MALRD1: variants seen among roughly 807,000 people sequenced by gnomAD.
The protein encoded by MALRD1 is MAM and LDL receptor class A domain containing 1.
A neutral mutation model predicts 242.1 loss-of-function variants in MALRD1; 247 were observed. The ratio of observed to expected loss-of-function variants is 1.02; its 90% confidence interval spans 0.92 to 1.13. The LOEUF (loss-of-function observed/expected upper bound fraction) is 1.13, where lower values mean the gene tolerates loss of function less well. Among genes scored for constraint, MALRD1 ranks in the 50% most tolerant of loss-of-function variants. MALRD1 has a pLI of 0.00. For missense variants in MALRD1, 2,989 were observed against 2,533.1 expected (o/e 1.18, Z -3.86); for synonymous variants, 995 against 866.6 (o/e 1.15, Z -2.60).
chr10:19,723,456 A>G (rs1282278948), intron 38 of MALRD1, among the ~76,000 whole-genome samples: 3 of 152,146 alleles, frequency 2.0e-5, no homozygotes, highest in African/African-American at 4.8e-5. Context: ...AGCTCAGGTC[A>G]GGCAAAGTGG....
chr10:19,351,956 A>T (rs1225139155), intron 25 of MALRD1, 50 bp from the exon 26 acceptor site: 1 of 1,387,734 alleles, frequency 7.2e-7, no homozygotes, highest in African/African-American at 1.5e-5. Flanking sequence ...ATAATATCAT[A>T]TTAATTATAC....
Position 19,550,034 on chromosome 10 carries a change from T to C in MALRD1, c.5479-17468T>C, listed in dbSNP as rs1274455256. On this transcript the variant is annotated intron_variant, in intron 32 of 39. Transcript: ENST00000454679. ...AGTTTGAAAAAGTATTTCATATATATAAACCCATTTAATTTGCTTTGAGGT... is the reference window on the plus strand; with the variant it reads ...AGTTTGAAAAAGTATTTCATATATACAAACCCATTTAATTTGCTTTGAGGT... 3.3e-5 allele frequency among the ~76,000 whole-genome samples: 5 copies of C among 152,306 alleles called. No homozygotes were observed. In the East Asian group the frequency reaches 9.6e-4, roughly 29 times the overall value.
At chr10:19,667,737 C>G (rs1238841488) in intron 36 of MALRD1, among the ~76,000 whole-genome samples, 8 of 152,128 alleles carry the variant, frequency 5.3e-5, no homozygotes, top group African/African-American at 1.7e-4. Flanking sequence ...CAGCACCATG[C>G]TTTCTGTACA....
chr10:19,344,243 C>G (rs144283847), intron 24 of MALRD1, among the ~76,000 whole-genome samples: 5 of 152,152 alleles, frequency 3.3e-5, no homozygotes, highest in African/African-American at 4.8e-5. Context: ...AGTCCTAGGT[C>G]CCTGATTTTC....
At chr10:19,149,642 T>G (rs1048521882) in intron 11 of MALRD1, among the ~76,000 whole-genome samples, 1 of 152,202 alleles carries the variant, frequency 6.6e-6, no homozygotes, top group African/African-American at 2.4e-5. Flanking sequence ...CTTATGGCAG[T>G]TGCTCCAAGT....
rs148958091 is a variant in MALRD1, at chr10:19,575,080, C to A, written c.5680+7377C>A. 2.6e-3 allele frequency among the ~76,000 whole-genome samples: 390 copies of A among 152,254 alleles called. 1 individual carries two copies. Among genetic ancestry groups the A allele is most frequent in the African/African-American group, 9.2e-3 (381 of 41,544 alleles). On this transcript the variant is annotated intron_variant, in intron 33 of 39. Transcript: ENST00000454679. ...CTAAGAAAATACTGCTATAATGATG[C>A]ATACTTGAAAGTTTAAAGTACAGTT... is the stretch of plus-strand genomic sequence containing the variant.
At chr10:19,460,810 A>G (rs1296202233) in intron 29 of MALRD1, among the ~76,000 whole-genome samples, 1 of 152,182 alleles carries the variant, frequency 6.6e-6, no homozygotes, top group Non-Finnish European at 1.5e-5. Context: ...TAGGCAATAA[A>G]GAAGCACTTT....
At chr10:19,419,088 C>T (rs574086381) in intron 28 of MALRD1, among the ~76,000 whole-genome samples, 2 of 152,136 alleles carry the variant, frequency 1.3e-5, no homozygotes, top group Admixed American at 6.5e-5. Context: ...TCCAGCTAAC[C>T]GCCTTCCTTT....
chr10:19,463,542 C>T (rs553751647), intron 29 of MALRD1, among the ~76,000 whole-genome samples: 39 of 142,612 alleles, frequency 2.7e-4, no homozygotes, highest in African/African-American at 9.0e-4. Flanking sequence ...CGTTCCCTTT[C>T]GTGGCTGAGT....
At chr10:19,491,198 A>G (rs1837477723) in intron 29 of MALRD1, 2 of 539,178 alleles carry the variant, frequency 3.7e-6, no homozygotes, top group African/African-American at 1.9e-5. Context: ...ATTTGGTGGC[A>G]GGCTGCACAT....
intron 26 of MALRD1, among the ~76,000 whole-genome samples, chr10:19,367,151 C>G (rs1845143404): frequency 6.6e-6 from 1 of 152,034 alleles, no homozygotes; most frequent in African/African-American, 2.4e-5. Flanking sequence ...CTATTTGAAA[C>G]TGTAATATAT....
chr10:19,114,995 T>C (rs1176856338), intron 5 of MALRD1, among the ~76,000 whole-genome samples: 1 of 152,186 alleles, frequency 6.6e-6, no homozygotes, highest in African/African-American at 2.4e-5. Flanking sequence ...TAGTTAGCTC[T>C]ATAAAGGCTG....
intron 29 of MALRD1, among the ~76,000 whole-genome samples, chr10:19,469,876 G>A (rs987552530): frequency 2.9e-4 from 44 of 152,068 alleles, no homozygotes; most frequent in African/African-American, 9.6e-4. Context: ...CATGAAAAAA[G>A]TCACCATTGT....
chr10:19,108,214 G>A (rs1349728019), intron 5 of MALRD1, among the ~76,000 whole-genome samples: 2 of 151,642 alleles, frequency 1.3e-5, no homozygotes, highest in Admixed American at 1.3e-4. Context: ...TCCCTCCTAA[G>A]CTATTTCAAA....
chr10:19,487,891 T>G (rs1837305585), intron 29 of MALRD1, among the ~76,000 whole-genome samples: 1 of 152,166 alleles, frequency 6.6e-6, no homozygotes, highest in Non-Finnish European at 1.5e-5. Flanking sequence ...ATCATACAGG[T>G]TTTAGCTATT....
At chr10:19,285,559 T>A (rs1410501186) in intron 21 of MALRD1, among the ~76,000 whole-genome samples, 1 of 151,888 alleles carries the variant, frequency 6.6e-6, no homozygotes, top group Non-Finnish European at 1.5e-5. Flanking sequence ...GATCACATAG[T>A]TGTAGATATG....
intron 5 of MALRD1, among the ~76,000 whole-genome samples, chr10:19,112,071 T>A (rs919507747): frequency 6.6e-6 from 1 of 151,294 alleles, no homozygotes; most frequent in Non-Finnish European, 1.5e-5. Flanking sequence ...CATCAGGGAG[T>A]GATTGATTCT....
chr10:19,496,624 A>AAACTCAAATAATCTCAAATTAACC, intron 30 of MALRD1, among the ~76,000 whole-genome samples: 1 of 152,230 alleles, frequency 6.6e-6, no homozygotes, highest in Non-Finnish European at 1.5e-5. Context: ...TCAAGTTAAC[A>AAACTCAAATAATCTCAAATTAACC]ACCTCAAATA....
intron 36 of MALRD1, among the ~76,000 whole-genome samples, chr10:19,619,257 T>C (rs1375747454): frequency 6.6e-6 from 1 of 152,046 alleles, no homozygotes; most frequent in Non-Finnish European, 1.5e-5. Context: ...ACATAGGTGA[T>C]GTTTTTTTCT....
Sources: allele counts gnomAD v4.1 joint callset (sites outside exome capture counted in the v4.1 genomes callset), GRCh38; gene constraint gnomAD v4.1.1; transcripts MANE v1.5; gene names NCBI Gene and HGNC (gene_info 2026-07-23, HGNC 2026-07-21).